Variants in EPHA3 observed in about 807,000 individuals in gnomAD.
The protein encoded by EPHA3 is ephrin type-A receptor 3.
In EPHA3, 42 loss-of-function variants were observed where a neutral mutation model predicts 107.1. The observed-to-expected ratio is 0.39, with a 90% CI of 0.31 to 0.51. EPHA3 has a LOEUF of 0.51. Ranked by LOEUF, EPHA3 falls within the 20% of genes least tolerant of loss-of-function variation. The pLI is 0.78. For missense variants in EPHA3, 1,183 were observed against 1,211.2 expected (o/e 0.98, Z 0.35); for synonymous variants, 461 against 424.8 (o/e 1.09, Z -1.05).
intron 13 of EPHA3, among the ~76,000 whole-genome samples, chr3:89,438,209 C>T (rs1229537424): frequency 4.6e-5 from 7 of 151,680 alleles, no homozygotes; most frequent in East Asian, 3.9e-4. Context: ...CCCGGGTTCA[C>T]GCCATTCTCC....
intron 13 of EPHA3, among the ~76,000 whole-genome samples, chr3:89,437,279 T>C (rs1223381949): frequency 2.0e-5 from 3 of 152,166 alleles, no homozygotes; most frequent in Non-Finnish European, 2.9e-5. Flanking sequence ...ATATAATATA[T>C]TTTAAAGAAG....
intron 5 of EPHA3, among the ~76,000 whole-genome samples, chr3:89,351,650 A>C (rs554073534): frequency 7.9e-5 from 12 of 151,058 alleles, no homozygotes; most frequent in African/African-American, 2.7e-4. Flanking sequence ...CTGAGTCTCC[A>C]TATATTCCAG....
chr3:89,301,221 A>C (rs1297994966), intron 3 of EPHA3, among the ~76,000 whole-genome samples: 2 of 152,138 alleles, frequency 1.3e-5, no homozygotes, highest in Admixed American at 1.3e-4. Flanking sequence ...GATGCAGAAA[A>C]GAATTTTCAA....
At chr3:89,453,140 C>T (rs1459400415) in intron 15 of EPHA3, among the ~76,000 whole-genome samples, 1 of 152,046 alleles carries the variant, frequency 6.6e-6, no homozygotes, top group Non-Finnish European at 1.5e-5. Flanking sequence ...CCTGTCCTTT[C>T]CTGGGCCATA....
intron 3 of EPHA3, among the ~76,000 whole-genome samples, chr3:89,263,331 T>C (rs1030833123): frequency 3.9e-5 from 6 of 152,140 alleles, no homozygotes; most frequent in Non-Finnish European, 5.9e-5. Context: ...AGTAGGCCCT[T>C]TGCCTTTTTG....
rs1381512203 is a variant in EPHA3 at position 89,341,032 on chromosome 3, T to C, written c.931T>C (p.Phe311Leu). 1.2e-6 allele frequency: 2 copies of C among 1,614,064 alleles called. No individual in the cohort carries two copies. The highest frequency in any genetic ancestry group is 1.7e-5 in the Admixed American group (1 of 59,992). ...GAACTGCAGGTGTGAGAATAATTAC[T>C]TCCGGGCAGACAAAGACCCTCCATC... ...SMNCRCENNY[F>L]RADKDPPSMA... The change falls in exon 4 of 17, where the codon TTC (phenylalanine) becomes CTC (leucine). Residue 311 changes from phenylalanine (F) to leucine (L), a missense_variant. Transcript: ENST00000336596.
At chr3:89,171,505 T>C (rs1171628471) in intron 2 of EPHA3, among the ~76,000 whole-genome samples, 1 of 152,206 alleles carries the variant, frequency 6.6e-6, no homozygotes, top group Admixed American at 6.5e-5. Flanking sequence ...ATTGAGTGAA[T>C]GTCGTGGGAA....
At chr3:89,367,975 C>G (rs774916083) in intron 5 of EPHA3, among the ~76,000 whole-genome samples, 1 of 150,584 alleles carries the variant, frequency 6.6e-6, no homozygotes, top group African/African-American at 2.4e-5. Flanking sequence ...TTACTGCACT[C>G]TAGGTTCCTT....
intron 10 of EPHA3, among the ~76,000 whole-genome samples, chr3:89,417,803 G>A (rs1317485466): frequency 1.3e-5 from 2 of 151,388 alleles, no homozygotes; most frequent in East Asian, 1.9e-4. Flanking sequence ...TATACTGTAT[G>A]CAATACAGTT....
At chr3:89,205,382 G>T (rs1289138161) in intron 2 of EPHA3, among the ~76,000 whole-genome samples, 2 of 152,114 alleles carry the variant, frequency 1.3e-5, no homozygotes, top group East Asian at 1.9e-4. Context: ...TCAGTGACAA[G>T]GAACTGTGCT....
intron 3 of EPHA3, among the ~76,000 whole-genome samples, chr3:89,292,895 T>C (rs1244766376): frequency 6.6e-6 from 1 of 152,208 alleles, no homozygotes; most frequent in Admixed American, 6.5e-5. Context: ...ATCATGTGAC[T>C]TTTACACTTC....
At chr3:89,180,475 A>C (rs1468843488) in intron 2 of EPHA3, among the ~76,000 whole-genome samples, 1 of 152,068 alleles carries the variant, frequency 6.6e-6, no homozygotes, top group Non-Finnish European at 1.5e-5. Flanking sequence ...AACACTGGTT[A>C]GAAAGCCACA....
At chr3:89,162,047 G>T (rs1250754875) in intron 2 of EPHA3, among the ~76,000 whole-genome samples, 2 of 151,600 alleles carry the variant, frequency 1.3e-5, no homozygotes, top group African/African-American at 4.8e-5. Flanking sequence ...TGCTTAGTGA[G>T]CCTTCTTATC....
intron 2 of EPHA3, among the ~76,000 whole-genome samples, chr3:89,193,485 G>T (rs1705766046): frequency 6.6e-6 from 1 of 152,004 alleles, no homozygotes; most frequent in South Asian, 2.1e-4. Flanking sequence ...CAAAATTACA[G>T]TTAGAGAGGA....
At chr3:89,419,699 A>G (rs1709318976) in intron 11 of EPHA3, among the ~76,000 whole-genome samples, 2 of 151,496 alleles carry the variant, frequency 1.3e-5, no homozygotes, top group South Asian at 4.1e-4. Flanking sequence ...CGGCTATGTA[A>G]GTAGCAAAGA....
At chr3:89,155,686 C>T (rs1478412779) in intron 2 of EPHA3, among the ~76,000 whole-genome samples, 1 of 151,966 alleles carries the variant, frequency 6.6e-6, no homozygotes, top group Non-Finnish European at 1.5e-5. Context: ...TTTACAATTA[C>T]GTTTTAATAA....
chr3:89,435,431 C>T (rs1203372214), intron 13 of EPHA3, among the ~76,000 whole-genome samples: 1 of 144,930 alleles, frequency 6.9e-6, no homozygotes, highest in Non-Finnish European at 1.5e-5. Context: ...AAGACTTCAT[C>T]TCTGTTAAAA....
At chr3:89,380,749 T>C (rs1708485162) in intron 5 of EPHA3, among the ~76,000 whole-genome samples, 1 of 151,306 alleles carries the variant, frequency 6.6e-6, no homozygotes, top group Non-Finnish European at 1.5e-5. Context: ...TGTGACTCTT[T>C]AAACAGCATA....
At chr3:89,406,345 T>C (rs1016554728) in intron 7 of EPHA3, among the ~76,000 whole-genome samples, 1 of 152,138 alleles carries the variant, frequency 6.6e-6, no homozygotes, top group African/African-American at 2.4e-5. Flanking sequence ...CCAGAGATTC[T>C]TGAGTGGTTT....
Sources: gnomAD v4.1 joint callset for allele counts (sites outside exome capture counted in the v4.1 genomes callset) on GRCh38, gnomAD v4.1.1 for gene constraint, MANE v1.5 for transcripts, NCBI Gene and HGNC (gene_info 2026-07-23, HGNC 2026-07-21) for gene names.